Variants in WDPCP observed in about 807,000 individuals in gnomAD.
WDPCP encodes WD repeat containing planar cell polarity effector.
A neutral mutation model predicts 93.1 loss-of-function variants in WDPCP; 71 were observed. The observed-to-expected ratio is 0.76, with a 90% CI of 0.63 to 0.93. The LOEUF (loss-of-function observed/expected upper bound fraction) is 0.93. WDPCP is among the 40% of genes least tolerant of loss of function. The pLI, the probability that WDPCP is intolerant of heterozygous loss-of-function variation, is 0.00. For synonymous variants in WDPCP, 315 were observed against 315.0 expected (o/e 1.00, Z 0.00); for missense variants, 844 against 887.4 (o/e 0.95, Z 0.62).
At chr2:63,124,280 C>G (rs758799352) in intron 17 of WDPCP, among the ~76,000 whole-genome samples, 1 of 151,756 alleles carries the variant, frequency 6.6e-6, no homozygotes, top group Non-Finnish European at 1.5e-5. Flanking sequence ...GTTGTGGTTC[C>G]AAGGAAGACT....
chr2:63,581,778 G>A (rs1220922254), intron 1 of WDPCP, among the ~76,000 whole-genome samples: 3 of 152,098 alleles, frequency 2.0e-5, no homozygotes, highest in Admixed American at 6.6e-5. Context: ...AGGCTGAGAC[G>A]GGTGGATCGT....
chr2:63,288,134 A>G (rs1188123665), intron 13 of WDPCP, among the ~76,000 whole-genome samples: 1 of 152,196 alleles, frequency 6.6e-6, no homozygotes, highest in Non-Finnish European at 1.5e-5. Flanking sequence ...AGCAGCAGCT[A>G]TAGGTCTTTT....
rs182990987 is a variant in WDPCP, at chr2:63,199,704, A to G, written c.1916-24872T>C. Among the ~76,000 whole-genome samples, 113 of 152,358 alleles carry G rather than the reference A, an allele frequency of 7.4e-4. 2 individuals are homozygous for G. In the East Asian group the frequency reaches 0.011, roughly 15 times the overall value. ...GGCAGGACCCTCATGGAGAACTTCT[A>G]CTACAGCAGTGCAGATGGGAACTGT... On this transcript the variant is annotated intron_variant, in intron 14 of 17. Transcript: ENST00000272321.
At chr2:63,705,616 G>C (rs556521441) in intron 2 of WDPCP, among the ~76,000 whole-genome samples, 47 of 152,262 alleles carry the variant, frequency 3.1e-4, no homozygotes, top group Middle Eastern at 3.4e-3. Flanking sequence ...TTTTGAGTGA[G>C]TTTCTTAATC....
intron 2 of WDPCP, among the ~76,000 whole-genome samples, chr2:63,790,848 A>G (rs956199096): frequency 2.0e-5 from 3 of 152,230 alleles, no homozygotes; most frequent in Non-Finnish European, 4.4e-5. Context: ...GTAAGGGGAA[A>G]TATTTTTAGT....
At chr2:63,458,374 G>A (rs1183267582) in intron 6 of WDPCP, among the ~76,000 whole-genome samples, 1 of 151,934 alleles carries the variant, frequency 6.6e-6, no homozygotes, top group African/African-American at 2.4e-5. Flanking sequence ...TTCAGTTGCA[G>A]GATACAAAAA....
chr2:63,228,323 G>C (rs1678466022), intron 14 of WDPCP: 1 of 150,002 alleles, frequency 6.7e-6, no homozygotes, highest in South Asian at 2.1e-4. Flanking sequence ...TATGTTGCTG[G>C]ATCTTCCAAA....
chr2:63,398,810 C>T (rs1693942300), intron 10 of WDPCP, among the ~76,000 whole-genome samples: 1 of 151,800 alleles, frequency 6.6e-6, no homozygotes, highest in Non-Finnish European at 1.5e-5. Flanking sequence ...GGGAAAACTG[C>T]ACATGCAACT....
intron 2 of WDPCP, among the ~76,000 whole-genome samples, chr2:63,682,527 G>T (rs879593631): frequency 6.6e-6 from 1 of 151,930 alleles, no homozygotes; most frequent in Non-Finnish European, 1.5e-5. Flanking sequence ...AATGAAGCAT[G>T]CCTACAGGAT....
chr2:63,591,998 A>G (rs551589723), upstream of WDPCP, among the ~76,000 whole-genome samples: 1 of 152,314 alleles, frequency 6.6e-6, no homozygotes, highest in South Asian at 2.1e-4. Flanking sequence ...TGGAGCCAGG[A>G]CTTGAACACA....
At chr2:63,493,156 T>A (rs1438315021) in intron 1 of WDPCP, among the ~76,000 whole-genome samples, 1 of 152,194 alleles carries the variant, frequency 6.6e-6, no homozygotes, top group Non-Finnish European at 1.5e-5. Context: ...GGATTTAGTA[T>A]GTCATCACAT....
At chr2:63,816,535 T>G (rs2104108384) in intron 1 of WDPCP, among the ~76,000 whole-genome samples, 1 of 152,252 alleles carries the variant, frequency 6.6e-6, no homozygotes, top group African/African-American at 2.4e-5. Flanking sequence ...GGAGTTATGC[T>G]GCCACAAACC....
intron 17 of WDPCP, among the ~76,000 whole-genome samples, chr2:63,136,301 C>T (rs1018843473): frequency 3.3e-5 from 5 of 152,048 alleles, no homozygotes; most frequent in Non-Finnish European, 7.4e-5. Context: ...TAGTTCATTG[C>T]TTACTTTAAT....
chr2:63,397,291 C>T (rs147029952), intron 10 of WDPCP, among the ~76,000 whole-genome samples: 7 of 152,192 alleles, frequency 4.6e-5, no homozygotes, highest in Middle Eastern at 3.4e-3. Context: ...TTGACTTGGA[C>T]GTTCCATCTG....
At chr2:63,463,052 A>G (rs1404829643) in intron 6 of WDPCP, among the ~76,000 whole-genome samples, 1 of 152,080 alleles carries the variant, frequency 6.6e-6, no homozygotes, top group Admixed American at 6.6e-5. Context: ...AATGGAGAGC[A>G]GATGGTTCAG....
At chr2:63,409,468 T>C (rs1694862951) in intron 9 of WDPCP, among the ~76,000 whole-genome samples, 1 of 152,104 alleles carries the variant, frequency 6.6e-6, no homozygotes, top group Non-Finnish European at 1.5e-5. Context: ...AAACCAACTC[T>C]GGTAACAGGA....
chr2:63,642,671 AGTTT>A (rs1360446345), intron 3 of WDPCP: 2 of 151,886 alleles, frequency 1.3e-5, no homozygotes, highest in Non-Finnish European at 2.9e-5. Context: ...AACTTTACTG[AGTTT>A]GTTTATCTTG....
intron 12 of WDPCP, among the ~76,000 whole-genome samples, chr2:63,340,695 T>G (rs1019603333): frequency 6.6e-6 from 1 of 152,194 alleles, no homozygotes; most frequent in Admixed American, 6.5e-5. Flanking sequence ...CCAATTCTCC[T>G]ACCATCTGCT....
chr2:63,612,931 CT>C (rs553611122), intron 3 of WDPCP, among the ~76,000 whole-genome samples: 435 of 141,950 alleles, frequency 3.1e-3, no homozygotes, highest in Middle Eastern at 7.1e-3. Flanking sequence ...TTCTTTCTTT[CT>C]TTTTTTTTTT....
Sources: gnomAD v4.1 joint callset for allele counts (sites outside exome capture counted in the v4.1 genomes callset) on GRCh38, gnomAD v4.1.1 for gene constraint, MANE v1.5 for transcripts, NCBI Gene and HGNC (gene_info 2026-07-23, HGNC 2026-07-21) for gene names.